Variants in NXPH1 observed in about 807,000 individuals in gnomAD.
The protein encoded by NXPH1 is neurexophilin 1, also known as neurexophilin-1.
In NXPH1, 5 loss-of-function variants were observed where a neutral mutation model predicts 23.7. The observed-to-expected ratio is 0.21, with a 90% confidence interval of 0.11 to 0.44. NXPH1 has a LOEUF of 0.44. NXPH1 is among the 20% of genes least tolerant of loss of function. The pLI, the probability that NXPH1 is intolerant of heterozygous loss-of-function variation, is 0.99. For synonymous variants in NXPH1, 144 were observed against 122.2 expected (o/e 1.18, Z -1.18); for missense variants, 324 against 321.6 (o/e 1.01, Z -0.06).
At chr7:8,476,331 A>G (rs1816971104) in intron 2 of NXPH1, among the ~76,000 whole-genome samples, 1 of 152,008 alleles carries the variant, frequency 6.6e-6, no homozygotes, top group Non-Finnish European at 1.5e-5. Flanking sequence ...CAAACACTTA[A>G]CCTACTTTTT....
intron 2 of NXPH1, among the ~76,000 whole-genome samples, chr7:8,658,409 C>T (rs1820615368): frequency 6.6e-6 from 1 of 152,038 alleles, no homozygotes; most frequent in South Asian, 2.1e-4. Flanking sequence ...CTTAAGTTTC[C>T]CTTGGTTCAC....
rs560881142 is a variant in NXPH1, at chr7:8,698,655, C to T, written c.55-52353C>T. On this transcript the variant is annotated intron_variant, in intron 2 of 2. Coordinates refer to ENST00000405863, the MANE Select transcript of NXPH1 (RefSeq NM_152745.3). ...GTTACAGTATCTATGAATTTTATTT[C>T]AGAGTGATAAACTATTGCTATATGA... Among the ~76,000 whole-genome samples the T allele has an allele frequency of 2.6e-5, 4 of 152,132 alleles. No homozygotes were observed. In the South Asian group the frequency reaches 8.3e-4, roughly 32 times the overall value.
At chr7:8,539,908 A>G (rs932456615) in intron 2 of NXPH1, among the ~76,000 whole-genome samples, 1 of 151,870 alleles carries the variant, frequency 6.6e-6, no homozygotes, top group Admixed American at 6.6e-5. Flanking sequence ...TATTTTCATT[A>G]GTGACTTTTG....
chr7:8,444,355 T>C (rs1251868016), intron 2 of NXPH1, among the ~76,000 whole-genome samples: 1 of 152,132 alleles, frequency 6.6e-6, no homozygotes, highest in African/African-American at 2.4e-5. Context: ...CTCGGAGGTA[T>C]TCTCTGAGGC....
At chr7:8,625,262 T>C (rs1445030391) in intron 2 of NXPH1, among the ~76,000 whole-genome samples, 1 of 152,160 alleles carries the variant, frequency 6.6e-6, no homozygotes, top group Non-Finnish European at 1.5e-5. Flanking sequence ...AATACTGTAA[T>C]TTTTTATTTC....
intron 2 of NXPH1, among the ~76,000 whole-genome samples, chr7:8,544,778 T>C (rs1818174867): frequency 6.6e-6 from 1 of 151,676 alleles, no homozygotes; most frequent in African/African-American, 2.4e-5. Flanking sequence ...CATATATCTA[T>C]TCTAGACATG....
intron 2 of NXPH1, among the ~76,000 whole-genome samples, chr7:8,528,163 G>C (rs1563336685): frequency 6.6e-6 from 1 of 152,226 alleles, no homozygotes; most frequent in Non-Finnish European, 1.5e-5. Context: ...ACAGAAGCTA[G>C]AGAAGGGAGC....
chr7:8,441,037 A>G (rs1238924152), intron 2 of NXPH1, among the ~76,000 whole-genome samples: 1 of 152,084 alleles, frequency 6.6e-6, no homozygotes, highest in Non-Finnish European at 1.5e-5. Context: ...GTTCTTTCTG[A>G]TTTTTTTAAA....
At position 8,734,142 on chromosome 7, in the gene NXPH1, G is replaced by A. The variant is rs371600510; in HGVS notation, c.55-16866G>A. ...TTATTAAATAGAAAATCCTTTCCCC[G>A]TTGCTTGTTTTTGTCAGGTTTGTCA... On this transcript the variant is annotated intron_variant, in intron 2 of 2. Transcript: ENST00000405863. Among the ~76,000 whole-genome samples, 301 of 152,040 alleles carry A rather than the reference G, an allele frequency of 2.0e-3. 1 individual carries two copies. Among genetic ancestry groups the A allele is most frequent in the African/African-American group, 6.7e-3 (276 of 41,488 alleles).
intron 2 of NXPH1, among the ~76,000 whole-genome samples, chr7:8,696,430 A>C (rs565091065): frequency 2.0e-5 from 3 of 152,362 alleles, no homozygotes; most frequent in African/African-American, 7.2e-5. Context: ...AAGCCAGAAA[A>C]TGCCATATGA....
rs146143320 is a variant in NXPH1, at chr7:8,632,494, G to C, written c.55-118514G>C. Among the ~76,000 whole-genome samples the C allele has an allele frequency of 2.9e-3, 446 of 152,256 alleles. 4 individuals carry two copies. The highest frequency in any genetic ancestry group is 0.01 in the African/African-American group (416 of 41,550). ...CTTGGCAGTGGTGAGTGGGAAATCA[G>C]TCACTTTAAGGGTTATCCTTTGATT... On this transcript the variant is annotated intron_variant, in intron 2 of 2. Transcript: ENST00000405863.
intron 2 of NXPH1, among the ~76,000 whole-genome samples, chr7:8,488,537 A>G (rs1817199278): frequency 6.6e-6 from 1 of 152,090 alleles, no homozygotes; most frequent in South Asian, 2.1e-4. Context: ...TTCTCCAACC[A>G]TGGCCGCTTA....
At chr7:8,636,720 T>C (rs1352958137) in intron 2 of NXPH1, among the ~76,000 whole-genome samples, 3 of 152,242 alleles carry the variant, frequency 2.0e-5, no homozygotes, top group Admixed American at 6.5e-5. Flanking sequence ...GTTACACACG[T>C]ATTCCACGTC....
intron 2 of NXPH1, among the ~76,000 whole-genome samples, chr7:8,677,693 G>T (rs1208615247): frequency 6.6e-6 from 1 of 151,974 alleles, no homozygotes; most frequent in South Asian, 2.1e-4. Context: ...ACTATACAAG[G>T]CACTATATTA....
intron 2 of NXPH1, among the ~76,000 whole-genome samples, chr7:8,742,012 C>T (rs909372787): frequency 6.6e-6 from 1 of 152,112 alleles, no homozygotes; most frequent in Non-Finnish European, 1.5e-5. Context: ...TAAATAGCTG[C>T]CTACCTTTCT....
intron 2 of NXPH1, among the ~76,000 whole-genome samples, chr7:8,731,612 A>T (rs545912555): frequency 6.6e-6 from 1 of 152,300 alleles, no homozygotes; most frequent in Non-Finnish European, 1.5e-5. Flanking sequence ...GTGAGGTGTC[A>T]GTCTGCCCCT....
At chr7:8,589,020 G>A (rs1269163516) in intron 2 of NXPH1, among the ~76,000 whole-genome samples, 1 of 152,092 alleles carries the variant, frequency 6.6e-6, no homozygotes, top group Non-Finnish European at 1.5e-5. Flanking sequence ...TAAGAATAAA[G>A]CAGTATGTTA....
chr7:8,537,070 C>A (rs1329323397), intron 2 of NXPH1, among the ~76,000 whole-genome samples: 4 of 151,958 alleles, frequency 2.6e-5, no homozygotes, highest in African/African-American at 4.8e-5. Flanking sequence ...AATTTTTAAA[C>A]CTTTTCTCTC....
chr7:8,674,162 GACACACACAC>G (rs35790323), intron 2 of NXPH1, among the ~76,000 whole-genome samples: 6,037 of 86,176 alleles, frequency 0.07, 294 homozygotes, highest in African/African-American at 0.14. Flanking sequence ...CAAACATATA[GACACACACAC>G]ACACACACAC....
Sources: gnomAD v4.1 joint callset for allele counts (sites outside exome capture counted in the v4.1 genomes callset) on GRCh38, gnomAD v4.1.1 for gene constraint, MANE v1.5 for transcripts, NCBI Gene and HGNC (gene_info 2026-07-23, HGNC 2026-07-21) for gene names.